The following CACHD1 variants were observed in gnomAD, a reference collection of about 807,000 sequenced individuals.
CACHD1 encodes cache domain containing 1.
CACHD1 carries 71 observed loss-of-function variants against 138.7 expected under a neutral mutation model. The observed-to-expected ratio is 0.51, with a 90% confidence interval of 0.42 to 0.62. The LOEUF (loss-of-function observed/expected upper bound fraction) is 0.62. CACHD1 is among the 20% of genes least tolerant of loss of function. The pLI is 0.00. For synonymous variants in CACHD1, 578 were observed against 591.5 expected (o/e 0.98, Z 0.33); for missense variants, 1,389 against 1,625.3 (o/e 0.85, Z 2.50).
At chr1:64,658,202 A>G (rs571977547) in intron 12 of CACHD1, among the ~76,000 whole-genome samples, 3 of 152,240 alleles carry the variant, frequency 2.0e-5, no homozygotes, top group Non-Finnish European at 4.4e-5. Flanking sequence ...CATTCGTTGG[A>G]ATAGAATGAA....
chr1:64,640,558 T>C (rs1570442338), intron 7 of CACHD1, among the ~76,000 whole-genome samples: 1 of 151,856 alleles, frequency 6.6e-6, no homozygotes, highest in East Asian at 1.9e-4. Context: ...GTGCCTGTAG[T>C]CCCACTACAG....
At chr1:64,538,328 G>C (rs1646650723) in intron 1 of CACHD1, among the ~76,000 whole-genome samples, 1 of 151,946 alleles carries the variant, frequency 6.6e-6, no homozygotes, top group African/African-American at 2.4e-5. Context: ...CAGTATTTGG[G>C]TACTCCCCCC....
intron 25 of CACHD1, among the ~76,000 whole-genome samples, 164 bp downstream of exon 25, chr1:64,681,499 G>A (rs190907163): frequency 2.4e-4 from 31 of 128,778 alleles, no homozygotes; most frequent in Non-Finnish European, 3.4e-4. Flanking sequence ...TTAGGAGTAC[G>A]TGTAGGTCTT....
intron 2 of CACHD1, among the ~76,000 whole-genome samples, chr1:64,579,513 A>G (rs933771287): frequency 6.6e-6 from 1 of 152,202 alleles, no homozygotes; most frequent in Non-Finnish European, 1.5e-5. Context: ...GTTACAAAAC[A>G]TTTATTCCCA....
chr1:64,619,842 G>T (rs1257877180), intron 4 of CACHD1, among the ~76,000 whole-genome samples: 1 of 152,110 alleles, frequency 6.6e-6, no homozygotes, highest in Non-Finnish European at 1.5e-5. Flanking sequence ...ATCAGAATTT[G>T]CCTCCTCTAG....
Position 64,640,741 on chromosome 1 carries a change from T to TTATATATATATATATATA in CACHD1, c.1007-1071_1007-1054dup, listed in dbSNP as rs67605354. Among the ~76,000 whole-genome samples, 116 of 149,374 alleles carry TTATATATATATATATATA rather than the reference T, an allele frequency of 7.8e-4. 1 individual carries two copies. The highest frequency in any genetic ancestry group is 2.9e-3 in the African/African-American group (113 of 39,646). On this transcript the variant is annotated intron_variant, in intron 7 of 26. Coordinates refer to ENST00000651257, the MANE Select transcript of CACHD1 (RefSeq NM_020925.4). ...CACACACACACACACACTCTCAACA[T>TTATATATATATATATATA]TATATATATATATATATATATATAT...
In CACHD1 at chr1:64,513,878, A is replaced by G. The variant is rs563954658; in HGVS notation, c.199-36716A>G. 2.0e-5 allele frequency among the ~76,000 whole-genome samples: 3 copies of G among 152,336 alleles called. No individual in the cohort carries two copies. In the South Asian group the frequency reaches 6.2e-4, roughly 32 times the overall value. Reference sequence around the variant, plus strand: ...GGAAATCCAGATTTTTATAAGATGTAAAATTTCCTGAATTTTAAACATTAG... The same window carrying G: ...GGAAATCCAGATTTTTATAAGATGTGAAATTTCCTGAATTTTAAACATTAG... On this transcript the variant is annotated intron_variant, in intron 1 of 26. Coordinates refer to ENST00000651257, the MANE Select transcript of CACHD1 (RefSeq NM_020925.4).
chr1:64,604,496 A>T (rs988344631), intron 4 of CACHD1, among the ~76,000 whole-genome samples: 1 of 152,192 alleles, frequency 6.6e-6, no homozygotes, highest in Non-Finnish European at 1.5e-5. Context: ...TTTTTTCCCT[A>T]AAACATTCCC....
In CACHD1 at chr1:64,634,074, C is replaced by A; in HGVS notation, c.820C>A (p.Arg274=). The change falls in exon 7 of 27, where the codon CGG becomes AGG. Residue 274 remains arginine, a synonymous_variant. Transcript: ENST00000651257. ...ISVLTVADTV[R]TCSLDQCYKT... ...TGTGTTAACTGTGGCAGATACCGTC[C>A]GGACTTGCTCACTAGACCAGTGCTA... 3.1e-6 allele frequency: 5 copies of A among 1,612,608 alleles called. No individual in the cohort carries two copies. Among genetic ancestry groups the A allele is most frequent in the Non-Finnish European group, 4.2e-6 (5 of 1,179,602 alleles).
chr1:64,483,065 T>A (rs2100278111), intron 1 of CACHD1, among the ~76,000 whole-genome samples: 1 of 152,320 alleles, frequency 6.6e-6, no homozygotes, highest in South Asian at 2.1e-4. Flanking sequence ...AATGTGTCCA[T>A]TTCATTACTT....
chr1:64,664,362 T>C (rs1570464149), intron 14 of CACHD1, 136 bp from the exon 15 acceptor site: 2 of 754,796 alleles, frequency 2.6e-6, no homozygotes, highest in East Asian at 5.3e-5. Context: ...GTTGCATCCA[T>C]CTGCTGTGGA....
At chr1:64,576,062 C>T (rs149133143) in intron 2 of CACHD1, among the ~76,000 whole-genome samples, 7 of 152,222 alleles carry the variant, frequency 4.6e-5, no homozygotes, top group African/African-American at 7.2e-5. Context: ...TCATTTGACC[C>T]GTGGCTGGAT....
At chr1:64,597,146 C>T (rs1647159758) in intron 3 of CACHD1, among the ~76,000 whole-genome samples, 1 of 152,096 alleles carries the variant, frequency 6.6e-6, no homozygotes, top group African/African-American at 2.4e-5. Context: ...TGGGACTCCA[C>T]TGAAAAGTTG....
chr1:64,648,138 C>G, intron 9 of CACHD1, 104 bp downstream of exon 9: 2 of 822,254 alleles, frequency 2.4e-6, no homozygotes, highest in Non-Finnish European at 3.9e-6. Context: ...ACCCCTGCCA[C>G]CTGTCCTATA....
In CACHD1 at chr1:64,652,076, T is replaced by C. The variant is rs1212488006; in HGVS notation, c.1391-85T>C. On this transcript the variant is annotated intron_variant, in intron 9 of 26. Transcript: ENST00000651257. ...AAAATTGAGACAGCTGATAGAAGCCTTCATGATTCACCGGAGCACAGTTCC... is the reference window on the plus strand; with the variant it reads ...AAAATTGAGACAGCTGATAGAAGCCCTCATGATTCACCGGAGCACAGTTCC... The C allele has an allele frequency of 3.3e-6, 4 of 1,229,900 alleles. No individual in the cohort carries two copies. In the East Asian group the frequency reaches 1.0e-4, roughly 32 times the overall value. The allele number at this position is 1,229,900 out of a possible 1,614,324, so 76.2% of individuals were successfully genotyped here.
intron 1 of CACHD1, among the ~76,000 whole-genome samples, chr1:64,500,353 T>C (rs1646331039): frequency 6.6e-6 from 1 of 152,192 alleles, no homozygotes. Context: ...CTTCAACATA[T>C]GTGCCTGTTG....
intron 1 of CACHD1, among the ~76,000 whole-genome samples, chr1:64,488,775 G>T (rs1646257573): frequency 6.6e-6 from 1 of 151,970 alleles, no homozygotes; most frequent in Non-Finnish European, 1.5e-5. Context: ...TAAAACATTA[G>T]AAATGATTCT....
At chr1:64,650,473 A>G (rs1209532033) in intron 9 of CACHD1, among the ~76,000 whole-genome samples, 1 of 152,164 alleles carries the variant, frequency 6.6e-6, no homozygotes, top group African/African-American at 2.4e-5. Context: ...CCTTAAATAC[A>G]TGTTATTTTT....
intron 1 of CACHD1, among the ~76,000 whole-genome samples, chr1:64,483,043 A>T (rs1474345691): frequency 6.6e-6 from 1 of 152,200 alleles, no homozygotes; most frequent in African/African-American, 2.4e-5. Flanking sequence ...TTTAGCTTTT[A>T]CTACTGTGTT....
Sources: allele counts gnomAD v4.1 joint callset (sites outside exome capture counted in the v4.1 genomes callset), GRCh38; gene constraint gnomAD v4.1.1; transcripts MANE v1.5; gene names NCBI Gene and HGNC (gene_info 2026-07-23, HGNC 2026-07-21).